Variants in CADPS observed in about 807,000 individuals in gnomAD.
CADPS encodes calcium dependent secretion activator.
In CADPS, 57 loss-of-function variants were observed where a neutral mutation model predicts 167.3. The observed-to-expected ratio is 0.34, with a 90% CI of 0.28 to 0.42. The LOEUF (loss-of-function observed/expected upper bound fraction) is 0.42, where lower values mean the gene tolerates loss of function less well. Ranked by LOEUF, CADPS falls within the 20% of genes least tolerant of loss-of-function variation. The pLI is 1.00. For synonymous variants in CADPS, 676 were observed against 635.3 expected (o/e 1.06, Z -0.96); for missense variants, 1,414 against 1,738.1 (o/e 0.81, Z 3.32).
At chr3:62,770,559 G>C (rs1248986218) in intron 1 of CADPS, among the ~76,000 whole-genome samples, 1 of 151,984 alleles carries the variant, frequency 6.6e-6, no homozygotes, top group East Asian at 1.9e-4. Flanking sequence ...CTGAGTAGCT[G>C]GGATTACAGG....
At chr3:62,545,412 C>T (rs1057227750) in intron 11 of CADPS, among the ~76,000 whole-genome samples, 4 of 151,890 alleles carry the variant, frequency 2.6e-5, no homozygotes, top group African/African-American at 7.3e-5. Flanking sequence ...CCTTAAAAAT[C>T]GGGGAATTGC....
At chr3:62,545,704 T>C (rs1159819423) in intron 11 of CADPS, among the ~76,000 whole-genome samples, 3 of 152,050 alleles carry the variant, frequency 2.0e-5, no homozygotes, top group Admixed American at 2.0e-4. Flanking sequence ...CTTTTGAAAT[T>C]GCAAAAAATA....
intron 4 of CADPS, among the ~76,000 whole-genome samples, chr3:62,657,897 A>G (rs2072115885): frequency 6.6e-6 from 1 of 152,120 alleles, no homozygotes; most frequent in South Asian, 2.1e-4. Flanking sequence ...TCCCTACAAT[A>G]TCTTTTCCAG....
chr3:62,661,211 T>C (rs1279121553), intron 4 of CADPS, among the ~76,000 whole-genome samples: 3 of 152,180 alleles, frequency 2.0e-5, no homozygotes, highest in African/African-American at 4.8e-5. Flanking sequence ...GAGTTCTATA[T>C]ACTGGGAGAC....
rs2065289517 is a variant in CADPS at position 62,499,142 on chromosome 3, T to C, written c.2706+20A>G. 6.6e-7 allele frequency: 1 copy of C among 1,521,838 alleles called. No homozygotes were observed. The highest frequency in any genetic ancestry group is 9.1e-7 in the Non-Finnish European group (1 of 1,096,102). 94.3% of individuals were successfully genotyped at this position (1,521,838 alleles called of 1,614,324 possible). On this transcript the variant is annotated intron_variant, in intron 18 of 29. Coordinates refer to ENST00000383710, the MANE Select transcript of CADPS (RefSeq NM_003716.4). ...TCAGCTAAGGGACAGTAAGATACAC[T>C]TCCCACCAAGCCTGCTCACCTCTGC...
intron 1 of CADPS, among the ~76,000 whole-genome samples, chr3:62,781,927 C>T (rs148405293): frequency 2.6e-5 from 4 of 152,272 alleles, no homozygotes; most frequent in African/African-American, 9.6e-5. Context: ...TCCCCAGAGC[C>T]CTCACAATTT....
chr3:62,779,702 A>G, intron 1 of CADPS: 1 of 473,526 alleles, frequency 2.1e-6, no homozygotes, highest in South Asian at 1.6e-5. Flanking sequence ...GATCAATAAC[A>G]TCTACAGTTG....
intron 1 of CADPS, among the ~76,000 whole-genome samples, chr3:62,809,983 A>G (rs1033969913): frequency 1.3e-4 from 20 of 152,176 alleles, no homozygotes; most frequent in African/African-American, 4.8e-4. Context: ...ATCTTTGAAT[A>G]CCAGGATTAT....
chr3:62,757,422 T>C (rs2084235024), intron 2 of CADPS, among the ~76,000 whole-genome samples: 1 of 152,140 alleles, frequency 6.6e-6, no homozygotes. Flanking sequence ...TCTTAGTGCC[T>C]GAGACAGTGC....
chr3:62,756,256 G>A (rs888219918), intron 2 of CADPS, among the ~76,000 whole-genome samples: 11 of 151,894 alleles, frequency 7.2e-5, no homozygotes, highest in South Asian at 2.1e-4. Flanking sequence ...TAGTAGTGAC[G>A]GGGTTTCTCC....
intron 1 of CADPS, among the ~76,000 whole-genome samples, chr3:62,810,599 GA>G (rs1553710086): frequency 6.6e-6 from 1 of 152,128 alleles, no homozygotes; most frequent in Non-Finnish European, 1.5e-5. Context: ...TAATCATTGA[GA>G]GAACAAAATG....
chr3:62,657,939 G>C (rs1392040705), intron 4 of CADPS, among the ~76,000 whole-genome samples: 7 of 152,154 alleles, frequency 4.6e-5, no homozygotes, highest in African/African-American at 1.4e-4. Flanking sequence ...AGAGGATTCT[G>C]AATTCTAGGA....
Position 62,545,886 on chromosome 3 carries a change from C to T in CADPS, c.1966+4017G>A, listed in dbSNP as rs531152565. Among the ~76,000 whole-genome samples the T allele has an allele frequency of 1.2e-4, 18 of 152,236 alleles. No homozygotes were observed. In the South Asian group the frequency reaches 3.7e-3, roughly 32 times the overall value. On this transcript the variant is annotated intron_variant, in intron 11 of 29. Transcript: ENST00000383710. ...AAAATATTTCTATATTGCTTCCCTT[C>T]TCTATGTATTTTTCCATTTCTACGT... is the stretch of plus-strand genomic sequence containing the variant.
intron 3 of CADPS, among the ~76,000 whole-genome samples, chr3:62,688,287 C>T (rs1015207515): frequency 2.6e-5 from 4 of 151,890 alleles, no homozygotes; most frequent in Non-Finnish European, 5.9e-5. Flanking sequence ...TGGCAAATGT[C>T]CCCTAGGGGC....
chr3:62,541,462 A>G (rs995941930), intron 11 of CADPS, among the ~76,000 whole-genome samples: 2 of 152,188 alleles, frequency 1.3e-5, no homozygotes, highest in Non-Finnish European at 2.9e-5. Context: ...TGGTACTGAC[A>G]TTAAGAAATT....
chr3:62,626,573 C>G, intron 6 of CADPS: 1 of 702,038 alleles, frequency 1.4e-6, no homozygotes, highest in South Asian at 1.5e-5. Flanking sequence ...TCCTGATTAC[C>G]CTAGGAAGAA....
chr3:62,634,937 C>T lies in CADPS; in HGVS notation c.1325+10785G>A, dbSNP rs117208121. On this transcript the variant is annotated intron_variant, in intron 6 of 29. Coordinates refer to ENST00000383710, the MANE Select transcript of CADPS (RefSeq NM_003716.4). ...GACCAAATGAACCTAGGAGTCTGGC[C>T]AATAGCATCTTATGCACTTCTCTCT... Among the ~76,000 whole-genome samples, 55 of 152,258 alleles carry T rather than the reference C, an allele frequency of 3.6e-4. 1 individual carries two copies. The East Asian group carries it at 0.01, about 28-fold the overall frequency.
intron 3 of CADPS, among the ~76,000 whole-genome samples, chr3:62,683,300 G>A (rs2077440731): frequency 6.6e-6 from 1 of 152,022 alleles, no homozygotes; most frequent in Non-Finnish European, 1.5e-5. Context: ...ACAGAGGATG[G>A]ATTGGAAGGG....
At chr3:62,475,656 T>A (rs1406265756) in intron 23 of CADPS, among the ~76,000 whole-genome samples, 1 of 149,142 alleles carries the variant, frequency 6.7e-6, no homozygotes, top group African/African-American at 2.5e-5. Flanking sequence ...ATATATTATA[T>A]GATCATGTTA....
Sources: allele counts gnomAD v4.1 joint callset (sites outside exome capture counted in the v4.1 genomes callset), GRCh38; gene constraint gnomAD v4.1.1; transcripts MANE v1.5; gene names NCBI Gene and HGNC (gene_info 2026-07-23, HGNC 2026-07-21).